Variants in NPEPPS observed in about 807,000 individuals in gnomAD.
NPEPPS encodes the protein aminopeptidase puromycin sensitive, also known as puromycin-sensitive aminopeptidase.
Under a neutral mutation model 115.5 loss-of-function variants are expected in NPEPPS, and 14 were observed. The ratio of observed to expected loss-of-function variants is 0.12; its 90% confidence interval spans 0.08 to 0.19. The LOEUF (loss-of-function observed/expected upper bound fraction) is 0.19. NPEPPS is among the 10% of genes least tolerant of loss of function. The pLI is 1.00. For missense variants in NPEPPS, 523 were observed against 1,110.8 expected, an observed-to-expected ratio of 0.47 and a Z score of 7.52; for synonymous variants, 285 against 390.6, an observed-to-expected ratio of 0.73 and a Z score of 3.19.
chr17:47,575,859 C>T (rs185082935), intron 3 of NPEPPS, among the ~76,000 whole-genome samples: 3 of 152,108 alleles, frequency 2.0e-5, no homozygotes, highest in Admixed American at 6.6e-5. Context: ...CCGCCCACCT[C>T]GGCCTCCCAA....
intron 1 of NPEPPS, among the ~76,000 whole-genome samples, chr17:47,523,989 T>C (rs1273837540): frequency 6.6e-6 from 1 of 152,054 alleles, no homozygotes; most frequent in East Asian, 1.9e-4. Context: ...TTCTTTTCTT[T>C]CTTAAACTTT....
At chr17:47,614,076 T>C (rs1253687432) in intron 19 of NPEPPS, among the ~76,000 whole-genome samples, 2 of 151,936 alleles carry the variant, frequency 1.3e-5, no homozygotes, top group Non-Finnish European at 2.9e-5. Flanking sequence ...GCTCAAGTGA[T>C]CCTCCTGCGT....
chr17:47,593,847 A>G (rs1348232920), intron 12 of NPEPPS, among the ~76,000 whole-genome samples: 1 of 152,246 alleles, frequency 6.6e-6, no homozygotes. Context: ...TAGAAAAGGT[A>G]CAGTAAAAAT....
chr17:47,618,976 AC>A (rs1283297738), intron 20 of NPEPPS, 32 bp from the exon 21 acceptor site: 33 of 1,601,724 alleles, frequency 2.1e-5, no homozygotes, highest in Non-Finnish European at 2.6e-5. Context: ...TGTTTTTGAT[AC>A]ACTAGACTTT....
chr17:47,534,002 A>G (rs1158834000), intron 1 of NPEPPS, among the ~76,000 whole-genome samples: 2 of 152,190 alleles, frequency 1.3e-5, no homozygotes, highest in African/African-American at 4.8e-5. Context: ...TAAAAAGCAT[A>G]TATTAATGTT....
chr17:47,543,147 A>G (rs1177782237), intron 1 of NPEPPS, among the ~76,000 whole-genome samples: 1 of 145,292 alleles, frequency 6.9e-6, no homozygotes, highest in East Asian at 2.0e-4. Flanking sequence ...CTCCATCTCA[A>G]AAAAAAAAAA....
At chr17:47,587,454 G>T in intron 9 of NPEPPS, 110 bp downstream of exon 9, 3 of 912,968 alleles carry the variant, frequency 3.3e-6, no homozygotes, top group Middle Eastern at 5.4e-4. Flanking sequence ...AAAAATAATT[G>T]AGTGATAGAA....
intron 13 of NPEPPS, 63 bp downstream of exon 13, chr17:47,596,525 T>C: frequency 9.1e-7 from 1 of 1,096,838 alleles, no homozygotes; most frequent in South Asian, 1.7e-5. Context: ...GTACAGTGTA[T>C]CAAGTTTGCT....
intron 17 of NPEPPS, among the ~76,000 whole-genome samples, chr17:47,606,027 G>A (rs925967882): frequency 1.4e-4 from 22 of 152,098 alleles, no homozygotes; most frequent in African/African-American, 4.6e-4. Flanking sequence ...ACAGGCATGT[G>A]CCACCACGCC....
chr17:47,616,666 A>G (rs888860711), intron 19 of NPEPPS, among the ~76,000 whole-genome samples: 10 of 151,342 alleles, frequency 6.6e-5, no homozygotes, highest in African/African-American at 2.4e-4. Flanking sequence ...CCTGGGTGAC[A>G]GAGTAAGACT....
At chr17:47,543,214 T>C (rs1344931995) in intron 1 of NPEPPS, among the ~76,000 whole-genome samples, 1 of 150,498 alleles carries the variant, frequency 6.6e-6, no homozygotes. Flanking sequence ...AAAAACTTAA[T>C]GGCGCGCACA....
chr17:47,534,769 A>G (rs1375068247), intron 1 of NPEPPS, among the ~76,000 whole-genome samples: 5 of 150,902 alleles, frequency 3.3e-5, no homozygotes, highest in Non-Finnish European at 5.9e-5. Flanking sequence ...GGGTTTTGCC[A>G]TGTTGGCCAG....
At chr17:47,531,936 C>A (rs1907812696) in intron 1 of NPEPPS, among the ~76,000 whole-genome samples, 1 of 152,138 alleles carries the variant, frequency 6.6e-6, no homozygotes. Context: ...TGGGGGAGGA[C>A]GGAGAGGTCA....
chr17:47,610,992 T>TAA (rs1297154379), intron 17 of NPEPPS, among the ~76,000 whole-genome samples: 20 of 151,264 alleles, frequency 1.3e-4, no homozygotes, highest in Middle Eastern at 3.4e-3. Context: ...TAGCTGGGAT[T>TAA]ACAGGTCTGT....
chr17:47,614,601 C>T (rs1811588731), intron 19 of NPEPPS, among the ~76,000 whole-genome samples: 1 of 152,132 alleles, frequency 6.6e-6, no homozygotes, highest in Non-Finnish European at 1.5e-5. Context: ...TTTCCATGTC[C>T]TCATAATGGC....
In NPEPPS at chr17:47,622,293, G is replaced by C. The variant is rs1914620802; in HGVS notation, c.*373G>C. 1 of 186,402 alleles carries C rather than the reference G, an allele frequency of 5.4e-6. No individual in the cohort carries two copies. Among genetic ancestry groups the C allele is most frequent in the Non-Finnish European group, 1.0e-5 (1 of 97,014 alleles). The allele number at this position is 186,402 out of a possible 1,614,324, so 11.5% of individuals were successfully genotyped here. A position where few individuals can be genotyped will look rare whatever the true frequency, so the allele number is the denominator to read the frequency against. On this transcript the variant is annotated 3_prime_UTR_variant, in exon 23 of 23. Coordinates refer to ENST00000322157, the MANE Select transcript of NPEPPS (RefSeq NM_006310.4). ...AGGAAACTAGAGGCTTCTTGGTGAA[G>C]AGCATTTTTGTGAAGTGGGTTCTGC...
chr17:47,610,352 T>TC (rs1259261824), intron 17 of NPEPPS, among the ~76,000 whole-genome samples: 6 of 152,116 alleles, frequency 3.9e-5, no homozygotes, highest in Non-Finnish European at 7.3e-5. Context: ...TCAAGATTCA[T>TC]CTATGTTGTA....
rs1491300434 is a variant in NPEPPS at position 47,562,605 on chromosome 17, A to AGTGT, written c.341-6811_341-6810insTGTG. 1.8e-3 allele frequency among the ~76,000 whole-genome samples: 199 copies of AGTGT among 109,720 alleles called. 1 individual carries two copies. Among genetic ancestry groups the AGTGT allele is most frequent in the African/African-American group, 5.2e-3 (182 of 34,708 alleles). 72.0% of individuals were successfully genotyped at this position (109,720 alleles called of 152,430 possible). A position where few individuals can be genotyped will look rare whatever the true frequency, so the allele number is the denominator to read the frequency against. On this transcript the variant is annotated intron_variant, in intron 2 of 22. Coordinates refer to ENST00000322157, the MANE Select transcript of NPEPPS (RefSeq NM_006310.4). The stretch of plus-strand genomic sequence containing the variant: ...TAATGTAGGAAGGCTTTTTTGATGC[A>AGTGT]GAGTGTGTGTGTGTGTGTGTGTGTG...
intron 3 of NPEPPS, among the ~76,000 whole-genome samples, chr17:47,576,243 T>C (rs1911514722): frequency 1.3e-5 from 2 of 152,170 alleles, no homozygotes; most frequent in African/African-American, 4.8e-5. Context: ...GGCATTTATA[T>C]GGAGAAACAC....
Sources: gnomAD v4.1 joint callset for allele counts (sites outside exome capture counted in the v4.1 genomes callset) on GRCh38, gnomAD v4.1.1 for gene constraint, MANE v1.5 for transcripts, NCBI Gene and HGNC (gene_info 2026-07-23, HGNC 2026-07-21) for gene names.